PCDHA7: variants seen among roughly 807,000 people sequenced by gnomAD.
PCDHA7 encodes the protein protocadherin alpha 7.
Under a neutral mutation model 57.2 loss-of-function variants are expected in PCDHA7, and 37 were observed. The ratio of observed to expected loss-of-function variants is 0.65; its 90% CI spans 0.50 to 0.85. PCDHA7 has a LOEUF of 0.85. Ranked by LOEUF, PCDHA7 falls within the 40% of genes least tolerant of loss-of-function variation. The probability of loss-of-function intolerance (pLI) is 0.00; values close to 1 mark genes in which losing one functional copy is unlikely to be tolerated. For synonymous variants in PCDHA7, 553 were observed against 558.8 expected (o/e 0.99, Z 0.15); for missense variants, 1,188 against 1,241.8 (o/e 0.96, Z 0.65).
intron 1 of PCDHA7, among the ~76,000 whole-genome samples, chr5:140,942,347 G>T (rs2093273719): frequency 6.6e-6 from 1 of 151,956 alleles, no homozygotes; most frequent in Non-Finnish European, 1.5e-5. Flanking sequence ...GGGAGGCGGA[G>T]GTTGCAGTTA....
At chr5:140,848,525 G>A (rs1243766523) in intron 1 of PCDHA7, 1 of 1,594,042 alleles carries the variant, frequency 6.3e-7, no homozygotes, top group Non-Finnish European at 8.6e-7. Context: ...GAGATCCAGA[G>A]GGTCAGCCTC....
At chr5:140,980,728 A>T (rs1268236317) in intron 2 of PCDHA7, among the ~76,000 whole-genome samples, 1 of 152,168 alleles carries the variant, frequency 6.6e-6, no homozygotes, top group African/African-American at 2.4e-5. Context: ...TTCAATTAAG[A>T]TATTATGAGA....
At chr5:140,863,270 T>C (rs1554158046) in intron 1 of PCDHA7, 1 of 1,459,904 alleles carries the variant, frequency 6.8e-7, no homozygotes, top group Admixed American at 1.8e-5. Flanking sequence ...GAGGCAGCGC[T>C]GGTGGATGTC....
At chr5:140,944,558 G>A (rs140707063) in intron 1 of PCDHA7, among the ~76,000 whole-genome samples, 10 of 152,230 alleles carry the variant, frequency 6.6e-5, no homozygotes, top group African/African-American at 2.2e-4. Flanking sequence ...TAGTTTTCCT[G>A]GCAACTTACT....
chr5:140,927,826 G>A (rs782694866), intron 1 of PCDHA7: 1 of 1,614,194 alleles, frequency 6.2e-7, no homozygotes, highest in Middle Eastern at 1.6e-4. Context: ...ATACATTGAG[G>A]CGAGGGACGA....
chr5:140,889,662 C>T (rs1397086074), intron 1 of PCDHA7, among the ~76,000 whole-genome samples: 1 of 151,946 alleles, frequency 6.6e-6, no homozygotes, highest in Admixed American at 6.6e-5. Context: ...GTCCTCTTCC[C>T]AGCCTTTTAT....
chr5:140,990,427 AC>A (rs1488981685), intron 3 of PCDHA7, among the ~76,000 whole-genome samples: 5 of 152,174 alleles, frequency 3.3e-5, no homozygotes, highest in African/African-American at 1.2e-4. Flanking sequence ...ACCAGCATTG[AC>A]CCAATCTTGT....
intron 1 of PCDHA7, among the ~76,000 whole-genome samples, chr5:140,914,947 T>TC (rs1232423561): frequency 7.0e-6 from 1 of 142,282 alleles, no homozygotes; most frequent in Non-Finnish European, 1.5e-5. Context: ...AAGTTGTCTT[T>TC]TTTTTTTTTT....
intron 1 of PCDHA7, chr5:140,883,644 A>C (rs2059725253): frequency 1.2e-6 from 2 of 1,613,018 alleles, no homozygotes; most frequent in Non-Finnish European, 1.7e-6. Flanking sequence ...GCGCAGCCCG[A>C]GTACACGGTG....
intron 1 of PCDHA7, chr5:140,863,426 T>C: frequency 1.5e-6 from 1 of 661,760 alleles, no homozygotes; most frequent in Non-Finnish European, 2.7e-6. Context: ...CGCAGCGTAG[T>C]GGGATCTGGT....
chr5:140,850,575 G>A, intron 1 of PCDHA7: 1 of 1,598,458 alleles, frequency 6.3e-7, no homozygotes, highest in Non-Finnish European at 8.6e-7. Flanking sequence ...GGTGACGCTG[G>A]TGGATGTCAA....
chr5:140,849,028 T>G lies in PCDHA7; in HGVS notation c.2355+12290T>G, dbSNP rs2040749628. 5.1e-6 allele frequency: 8 copies of G among 1,583,910 alleles called. No homozygotes were observed. The highest frequency in any genetic ancestry group is 1.4e-5 in the African/African-American group (1 of 70,832). Reference sequence around the variant, plus strand: ...TACAGACTGAGCCCCAATGAGTATTTCTTCCTGGACGTGCCAACCAGCAAC... The same window carrying G: ...TACAGACTGAGCCCCAATGAGTATTGCTTCCTGGACGTGCCAACCAGCAAC... On this transcript the variant is annotated intron_variant, in intron 1 of 3. Transcript: ENST00000525929.
intron 1 of PCDHA7, among the ~76,000 whole-genome samples, chr5:140,904,628 A>G (rs2071277621): frequency 6.6e-6 from 1 of 152,002 alleles, no homozygotes; most frequent in African/African-American, 2.4e-5. Context: ...TTAGTTCTTT[A>G]AGGAATCTCC....
At chr5:140,941,197 TTCTTC>T (rs1554213863) in intron 1 of PCDHA7, among the ~76,000 whole-genome samples, 1 of 112,110 alleles carries the variant, frequency 8.9e-6, no homozygotes. Context: ...TTTTTTTTCT[TTCTTC>T]CTTTCTTTCT....
chr5:141,004,346 G>C (rs2098162740), intron 3 of PCDHA7, among the ~76,000 whole-genome samples: 1 of 152,212 alleles, frequency 6.6e-6, no homozygotes, highest in Non-Finnish European at 1.5e-5. Context: ...GTCTGTGAGG[G>C]ACTGGAGAGA....
At chr5:140,870,227 A>G in intron 1 of PCDHA7, 1 of 1,614,142 alleles carries the variant, frequency 6.2e-7, no homozygotes, top group Non-Finnish European at 8.5e-7. Flanking sequence ...AGCGTGTCTG[A>G]CCGTGACTCA....
At chr5:141,009,301 T>C (rs942481990) in intron 3 of PCDHA7, among the ~76,000 whole-genome samples, 1 of 152,122 alleles carries the variant, frequency 6.6e-6, no homozygotes, top group Admixed American at 6.5e-5. Flanking sequence ...TAAAATTTTT[T>C]TTAAAAAGCT....
chr5:140,844,007 T>C (rs1779179285), intron 1 of PCDHA7, among the ~76,000 whole-genome samples: 1 of 149,710 alleles, frequency 6.7e-6, no homozygotes, highest in African/African-American at 2.4e-5. Flanking sequence ...AACAATACTC[T>C]AAGGACGTTC....
intron 1 of PCDHA7, among the ~76,000 whole-genome samples, chr5:140,920,769 G>T (rs2153558518): frequency 6.6e-6 from 1 of 151,918 alleles, no homozygotes; most frequent in African/African-American, 2.4e-5. Context: ...GCTTACACCT[G>T]GGAGGTGGAG....
Sources: allele counts gnomAD v4.1 joint callset (sites outside exome capture counted in the v4.1 genomes callset), GRCh38; gene constraint gnomAD v4.1.1; transcripts MANE v1.5; gene names NCBI Gene and HGNC (gene_info 2026-07-23, HGNC 2026-07-21).